Variants in REDIC1 observed in about 807,000 individuals in gnomAD.
The protein encoded by REDIC1 is HEI10 Interacting Protein 1.
chr12:39,841,154 T>C, the REDIC1 span, among the ~76,000 whole-genome samples: 1 of 152,128 alleles, frequency 6.6e-6, no homozygotes, highest in Non-Finnish European at 1.5e-5. Flanking sequence ...AAAAATTTTA[T>C]AGTAGTGAGG....
At chr12:39,650,341 G>T in the REDIC1 span, 1 of 1,610,002 alleles carries the variant, frequency 6.2e-7, no homozygotes, top group African/African-American at 1.3e-5. This position sits in a 1 kb window ranked among gnomAD's most constrained non-coding sequence, Gnocchi z 4.3. Context: ...GACATTATTT[G>T]AAAGATTAAA....
chr12:39,638,224 T>G, the REDIC1 span, among the ~76,000 whole-genome samples: 1 of 151,372 alleles, frequency 6.6e-6, no homozygotes, highest in Non-Finnish European at 1.5e-5. Flanking sequence ...GAATCAGGAG[T>G]TAGTGACCCA....
the REDIC1 span, chr12:39,760,082 G>A: frequency 3.1e-6 from 5 of 1,612,502 alleles, no homozygotes; most frequent in African/African-American, 1.3e-5. Context: ...CCCTTTACCC[G>A]AATATATTCA....
the REDIC1 span, chr12:39,685,023 A>T: frequency 1.3e-6 from 1 of 795,790 alleles, no homozygotes; most frequent in South Asian, 2.3e-5. Flanking sequence ...TAAGCTTAAC[A>T]TTTATTCATT....
the REDIC1 span, among the ~76,000 whole-genome samples, chr12:39,834,913 A>G: frequency 6.6e-6 from 1 of 152,138 alleles, no homozygotes; most frequent in African/African-American, 2.4e-5. Context: ...TACAGAGAGC[A>G]TGTATTATAA....
At chr12:39,713,364 G>A in the REDIC1 span, among the ~76,000 whole-genome samples, 2 of 143,176 alleles carry the variant, frequency 1.4e-5, no homozygotes, top group African/African-American at 2.6e-5. Flanking sequence ...ACATATACGT[G>A]TATACACATA....
chr12:39,783,823 A>C, the REDIC1 span, among the ~76,000 whole-genome samples: 1 of 152,128 alleles, frequency 6.6e-6, no homozygotes, highest in East Asian at 1.9e-4. Context: ...TATTTAGAAA[A>C]CCCCATCGTC....
chr12:39,735,878 G>A, the REDIC1 span, among the ~76,000 whole-genome samples: 21 of 152,268 alleles, frequency 1.4e-4, no homozygotes, highest in Admixed American at 1.0e-3. Flanking sequence ...GAATTTTGTG[G>A]GTGTAACTTT....
the REDIC1 span, among the ~76,000 whole-genome samples, chr12:39,697,125 GAAAC>G: frequency 6.6e-6 from 1 of 152,148 alleles, no homozygotes; most frequent in Admixed American, 6.6e-5. Flanking sequence ...CAAGAGAAAA[GAAAC>G]AAGTAACATA....
chr12:39,668,199 T>C, the REDIC1 span, among the ~76,000 whole-genome samples: 1 of 152,236 alleles, frequency 6.6e-6, no homozygotes, highest in South Asian at 2.1e-4. Context: ...TTGCAGTGGC[T>C]GGTACCAGTT....
chr12:39,898,650 G>T, the REDIC1 span, among the ~76,000 whole-genome samples: 18 of 152,076 alleles, frequency 1.2e-4, no homozygotes, highest in Non-Finnish European at 2.1e-4. Flanking sequence ...CACACTATGA[G>T]AGACATACAA....
At chr12:39,712,145 C>T in the REDIC1 span, among the ~76,000 whole-genome samples, 6,901 of 32,198 alleles carry the variant, frequency 0.21, 306 homozygotes, top group Non-Finnish European at 0.31. Context: ...CATATACATA[C>T]ATCTATACAT....
chr12:39,900,487 A>G, the REDIC1 span, among the ~76,000 whole-genome samples: 10 of 152,092 alleles, frequency 6.6e-5, no homozygotes, highest in African/African-American at 2.2e-4. Context: ...AACTTCAGCA[A>G]AGTCTCAGGA....
At chr12:39,870,238 A>G in the REDIC1 span, among the ~76,000 whole-genome samples, 1 of 152,174 alleles carries the variant, frequency 6.6e-6, no homozygotes, top group African/African-American at 2.4e-5. Context: ...CTGGAGTTCT[A>G]TTTAAAAAGA....
At chr12:39,744,205 A>G in the REDIC1 span, among the ~76,000 whole-genome samples, 1 of 152,228 alleles carries the variant, frequency 6.6e-6, no homozygotes, top group Admixed American at 6.5e-5. Flanking sequence ...AAAATCCAAC[A>G]ATCTAAAATT....
At chr12:39,819,233 G>A in the REDIC1 span, among the ~76,000 whole-genome samples, 1 of 152,096 alleles carries the variant, frequency 6.6e-6, no homozygotes, top group African/African-American at 2.4e-5. Flanking sequence ...ATATGTTTAT[G>A]AGCCTAAAAA....
At chr12:39,646,511 A>C in the REDIC1 span, 1 of 1,486,526 alleles carries the variant, frequency 6.7e-7, no homozygotes, top group Middle Eastern at 1.8e-4. Context: ...CTGGTTATTA[A>C]CAACACTTTT....
chr12:39,659,281 A>G, the REDIC1 span, among the ~76,000 whole-genome samples: 1 of 151,904 alleles, frequency 6.6e-6, no homozygotes, highest in Non-Finnish European at 1.5e-5. Context: ...TTAAGATATT[A>G]ATTTTCTTTC....
the REDIC1 span, among the ~76,000 whole-genome samples, chr12:39,632,067 A>AT: frequency 6.6e-6 from 1 of 151,076 alleles, no homozygotes; most frequent in Admixed American, 6.6e-5. Context: ...ATATATATAT[A>AT]ATGTTAACTT....
Sources: gnomAD v4.1 joint callset for allele counts (sites outside exome capture counted in the v4.1 genomes callset) on GRCh38, gnomAD v4.1.1 for gene constraint, Gnocchi (gnomAD v3.1) non-coding constraint, MANE v1.5 for transcripts, NCBI Gene and HGNC (gene_info 2026-07-23, HGNC 2026-07-21) for gene names.